The following SULF2 variants were observed in gnomAD, a reference collection of about 807,000 sequenced individuals.
The protein encoded by SULF2 is extracellular sulfatase Sulf-2.
SULF2 carries 52 observed loss-of-function variants against 107.7 expected under a neutral mutation model. That is an observed-to-expected ratio of 0.48 (90% CI 0.39 to 0.61). SULF2 has a LOEUF of 0.61. Ranked by LOEUF, SULF2 falls within the 20% of genes least tolerant of loss-of-function variation. The pLI is 0.00. For synonymous variants in SULF2, 460 were observed against 464.3 expected, an observed-to-expected ratio of 0.99 and a Z score of 0.12; for missense variants, 993 against 1,177.3, an observed-to-expected ratio of 0.84 and a Z score of 2.29.
chr20:47,714,730 C>T (rs1015354001), intron 3 of SULF2, among the ~76,000 whole-genome samples: 9 of 152,150 alleles, frequency 5.9e-5, no homozygotes, highest in South Asian at 2.1e-4. Flanking sequence ...TGTCCTGCTC[C>T]GTGACTGCAT....
At position 47,679,843 on chromosome 20, in the gene SULF2, T is replaced by A. The variant is rs972179680; in HGVS notation, c.1065-1039A>T. On this transcript the variant is annotated intron_variant, in intron 7 of 20. Transcript: ENST00000688720. ...GCACAGATACCCAACACAAGGCCCC[T>A]CCTGAGGACCCTATTCGGAACTGCG... Among the ~76,000 whole-genome samples, 4 of 152,166 alleles carry A rather than the reference T, an allele frequency of 2.6e-5. No homozygotes were observed. The East Asian group carries it at 7.7e-4, about 29-fold the overall frequency.
intron 10 of SULF2, 96 bp from the exon 11 acceptor site, chr20:47,672,489 C>A: frequency 6.9e-7 from 1 of 1,451,702 alleles, no homozygotes; most frequent in South Asian, 1.4e-5. Flanking sequence ...ACATCCCTCT[C>A]CCTGCTTGCA....
chr20:47,683,410 T>C (rs1198478084), intron 6 of SULF2, among the ~76,000 whole-genome samples: 2 of 152,212 alleles, frequency 1.3e-5, no homozygotes, highest in Non-Finnish European at 2.9e-5. Context: ...TTTACTTATC[T>C]GTGGATCATC....
intron 14 of SULF2, 62 bp from the exon 15 acceptor site, chr20:47,664,251 G>GC (rs2087190360): frequency 2.0e-6 from 3 of 1,523,584 alleles, no homozygotes; most frequent in South Asian, 2.3e-5. Flanking sequence ...GCTGGCAGGT[G>GC]CAAGCTGTGA....
intron 3 of SULF2, among the ~76,000 whole-genome samples, chr20:47,710,022 C>G (rs1438144645): frequency 6.6e-6 from 1 of 151,934 alleles, no homozygotes; most frequent in African/African-American, 2.4e-5. Flanking sequence ...CCGCCTCAGC[C>G]TCTCGAGTAG....
At chr20:47,745,527 T>C (rs192419436) in intron 2 of SULF2, among the ~76,000 whole-genome samples, 223 of 148,708 alleles carry the variant, frequency 1.5e-3, no homozygotes, top group African/African-American at 5.3e-3. Context: ...CCAGCTTTTA[T>C]TTATTTATTT....
chr20:47,717,929 C>T (rs2146680868), intron 3 of SULF2, among the ~76,000 whole-genome samples: 1 of 152,124 alleles, frequency 6.6e-6, no homozygotes. Flanking sequence ...ATTCTCCTGC[C>T]TCAGCCTCCC....
intron 3 of SULF2, among the ~76,000 whole-genome samples, chr20:47,704,754 G>A (rs550469115): frequency 1.3e-5 from 2 of 152,326 alleles, no homozygotes; most frequent in East Asian, 3.9e-4. Flanking sequence ...AGGTTGTAGG[G>A]ATGTAAGGAG....
chr20:47,729,935 T>C (rs1167282612), intron 3 of SULF2, among the ~76,000 whole-genome samples: 1 of 152,244 alleles, frequency 6.6e-6, no homozygotes, highest in African/African-American at 2.4e-5. Flanking sequence ...AAGTCTCATT[T>C]GTTGGGGATG....
intron 4 of SULF2, among the ~76,000 whole-genome samples, chr20:47,690,816 C>T (rs1677215560): frequency 6.6e-6 from 1 of 150,442 alleles, no homozygotes; most frequent in Non-Finnish European, 1.5e-5. Flanking sequence ...CTGCAGTGAG[C>T]CACGACTGCA....
intron 5 of SULF2, chr20:47,686,064 G>A (rs1352114023): frequency 6.6e-6 from 1 of 152,312 alleles, no homozygotes; most frequent in African/African-American, 2.4e-5. Flanking sequence ...TGTGAGCACT[G>A]AGGGAGAGGC....
rs531089852 is a variant in SULF2 at position 47,781,837 on chromosome 20, C to CGGTGCCCACAGCTGCCAGGG, written c.-101+3486_-101+3505dup. On this transcript the variant is annotated intron_variant, in intron 1 of 20. Transcript: ENST00000688720. ...CCAGGCAGTCTGGCTCTCCTAGCCA[C>CGGTGCCCACAGCTGCCAGGG]GGTGCCCACAGCTGCCAGGGACTGC... Among the ~76,000 whole-genome samples, 48 of 152,236 alleles carry CGGTGCCCACAGCTGCCAGGG rather than the reference C, an allele frequency of 3.2e-4. No homozygotes were observed. In the East Asian group the frequency reaches 4.5e-3, roughly 14 times the overall value.
chr20:47,684,672 C>A, intron 5 of SULF2, 91 bp from the exon 6 acceptor site: 1 of 1,386,432 alleles, frequency 7.2e-7, no homozygotes, highest in Admixed American at 2.1e-5. Flanking sequence ...GAGCAGCCAC[C>A]CTGTGCTGTG....
chr20:47,744,080 G>C (rs1161501077), intron 2 of SULF2, among the ~76,000 whole-genome samples: 4 of 152,168 alleles, frequency 2.6e-5, no homozygotes, highest in Non-Finnish European at 1.5e-5. Context: ...GATTCTTAGG[G>C]GACATGCAGG....
chr20:47,733,438 T>C (rs771349659), intron 3 of SULF2, among the ~76,000 whole-genome samples: 1 of 152,262 alleles, frequency 6.6e-6, no homozygotes, highest in African/African-American at 2.4e-5. Flanking sequence ...AACTCATTAG[T>C]TGCAACTAGA....
intron 4 of SULF2, 146 bp from the exon 5 acceptor site, chr20:47,690,441 G>T (rs2088159590): frequency 4.0e-6 from 2 of 502,296 alleles, no homozygotes; most frequent in Non-Finnish European, 6.4e-6. Context: ...AGTCTAGGGA[G>T]CAGACAGACA....
rs549898899 is a variant in SULF2, at chr20:47,689,357, CT to C, written c.737+768del. ...AGGTTGTAAAAGACACTGTGGCTTCCTTCTTGGCCTTACTCTCTCTCTGATC... is the reference window on the plus strand; with the variant it reads ...AGGTTGTAAAAGACACTGTGGCTTCCTCTTGGCCTTACTCTCTCTCTGATC... On this transcript the variant is annotated intron_variant, in intron 5 of 20. Transcript: ENST00000688720. Among the ~76,000 whole-genome samples, 423 of 152,332 alleles carry C rather than the reference CT, an allele frequency of 2.8e-3. 2 individuals carry two copies. The highest frequency in any genetic ancestry group is 0.013 in the South Asian group (65 of 4,828).
intron 11 of SULF2, among the ~76,000 whole-genome samples, chr20:47,667,488 T>G (rs1435079885): frequency 3.3e-5 from 5 of 151,464 alleles, no homozygotes. Context: ...GTGGCGGTGA[T>G]GTAGGGATCC....
intron 3 of SULF2, among the ~76,000 whole-genome samples, chr20:47,731,840 G>A (rs1474415196): frequency 6.6e-6 from 1 of 152,218 alleles, no homozygotes; most frequent in Non-Finnish European, 1.5e-5. Context: ...CATTTGGTGC[G>A]ATGGGACCTC....
Sources: allele counts gnomAD v4.1 joint callset (sites outside exome capture counted in the v4.1 genomes callset), GRCh38; gene constraint gnomAD v4.1.1; transcripts MANE v1.5; gene names NCBI Gene and HGNC (gene_info 2026-07-23, HGNC 2026-07-21).